The following KRT10 variants were observed in gnomAD, a reference collection of about 807,000 sequenced individuals.
KRT10 encodes keratin, type I cytoskeletal 10.
In KRT10, 40 loss-of-function variants were observed where a neutral mutation model predicts 59.2. That is an observed-to-expected ratio of 0.68 (90% CI 0.52 to 0.88). KRT10 has a LOEUF of 0.88. Among genes scored for constraint, KRT10 ranks in the 40% least tolerant of loss-of-function variants. The pLI is 0.00. For synonymous variants in KRT10, 336 were observed against 310.7 expected, an observed-to-expected ratio of 1.08 and a Z score of -0.86; for missense variants, 719 against 749.1, an observed-to-expected ratio of 0.96 and a Z score of 0.47.
At position 40,821,072 on chromosome 17, in the gene KRT10, C is replaced by T. The variant is rs532545866; in HGVS notation, c.673G>A (p.Asp225Asn). The T allele has an allele frequency of 1.2e-6, 2 of 1,613,876 alleles. No homozygotes were observed. Among genetic ancestry groups the T allele is most frequent in the Non-Finnish European group, 1.7e-6 (2 of 1,179,856 alleles). ...TCATCAGCTGCCAGCCTGGCATTGT[C>T]GATCTGAAGCAGGATGTTGGCATTA... Reference protein sequence around the residue: ...TDNANILLQIDNARLAADDFR... With the variant: ...TDNANILLQINNARLAADDFR... Residue 225 changes from aspartate to asparagine, a missense_variant, in exon 2 of 8, where the codon GAC becomes AAC. This residue lies in a region of KRT10 where 221 missense variants were observed against 277.8 expected (regional missense o/e 0.80). Transcript: ENST00000269576.
Position 40,818,355 on chromosome 17 carries a change from A to C in KRT10, c.*121T>G, listed in dbSNP as rs1217238172. 2.2e-5 allele frequency: 29 copies of C among 1,337,268 alleles called. No homozygotes were observed. The highest frequency in any genetic ancestry group is 3.1e-5 in the Non-Finnish European group (29 of 942,012). 82.8% of individuals were successfully genotyped at this position (1,337,268 alleles called of 1,614,324 possible). Reference sequence around the variant, plus strand: ...TAAATAATGGTCTGTGTGAAGGGAGACTCTTTCCTCTTGATGCAGTTTAAT... The same window carrying C: ...TAAATAATGGTCTGTGTGAAGGGAGCCTCTTTCCTCTTGATGCAGTTTAAT... On this transcript the variant is annotated 3_prime_UTR_variant, in exon 8 of 8. Coordinates refer to ENST00000269576, the MANE Select transcript of KRT10 (RefSeq NM_000421.5).
Position 40,818,840 on chromosome 17 carries a change from G to C in KRT10, c.1695C>G (p.Gly565=), listed in dbSNP as rs1367590552. 1 of 1,592,494 alleles carries C rather than the reference G, an allele frequency of 6.3e-7. No homozygotes were observed. Among genetic ancestry groups the C allele is most frequent in the East Asian group, 2.2e-5 (1 of 44,490 alleles). The stretch of plus-strand genomic sequence containing the variant: ...CGGACCCGGAAGAGGAGGACTTGTG[G>C]CCTCCGCTGGAGCTGCCGCCGCCGT... ...GGYGGGSSSG[G]HKSSSSGSVG... is the part of the protein sequence containing the mutation. Residue 565 remains glycine, a synonymous_variant, in exon 7 of 8, where the codon GGC becomes GGG. Transcript: ENST00000269576.
In KRT10 at chr17:40,822,063, C is replaced by G; in HGVS notation, c.523G>C (p.Glu175Gln). The G allele has an allele frequency of 1.2e-5, 19 of 1,614,142 alleles. No individual in the cohort carries two copies. The highest frequency in any genetic ancestry group is 1.5e-5 in the Non-Finnish European group (18 of 1,180,032). Residue 175 changes from glutamate (E) to glutamine (Q), a missense_variant, in exon 1 of 8, where the codon GAA becomes CAA. Around this residue, in one of 4 missense-constraint regions of KRT10, gnomAD observed 221 missense variants for 277.8 expected, o/e 0.80. Coordinates refer to ENST00000269576, the MANE Select transcript of KRT10 (RefSeq NM_000421.5). ...RALEESNYEL[E>Q]GKIKEWYEKH... ...TCATACCACTCCTTGATTTTGCCTT[C>G]CAGCTCATAGTTTGATTCTTCCAGA...
Position 40,819,025 on chromosome 17 carries a change from A to G in KRT10, c.1510T>C (p.Ser504Pro). The G allele has an allele frequency of 1.5e-6, 2 of 1,366,116 alleles. No individual in the cohort carries two copies. Among genetic ancestry groups the G allele is most frequent in the Non-Finnish European group, 1.9e-6 (2 of 1,051,530 alleles). The allele number at this position is 1,366,116 out of a possible 1,614,324, so 84.6% of individuals were successfully genotyped here. ...SSGGGYGGGS[S>P]GGGSSGGGYG... Reference sequence around the variant, plus strand: ...CCGCCGCCGGAGCTTCCGCCGCCGGAGCTTCCGCCTCCGTAGCCGCCGCCG... The same window carrying G: ...CCGCCGCCGGAGCTTCCGCCGCCGGGGCTTCCGCCTCCGTAGCCGCCGCCG... Residue 504 changes from serine (S) to proline (P), a missense_variant, in exon 7 of 8, where the codon TCC becomes CCC. Around this residue, in one of 4 missense-constraint regions of KRT10, gnomAD observed 315 missense variants for 270.6 expected, o/e 1.16. Coordinates refer to ENST00000269576, the MANE Select transcript of KRT10 (RefSeq NM_000421.5).
intron 2 of KRT10, 102 bp from the exon 3 acceptor site, chr17:40,820,769 T>C (rs1905338055): frequency 7.9e-7 from 1 of 1,259,148 alleles, no homozygotes; most frequent in Non-Finnish European, 1.1e-6. Context: ...TCTCATGTAA[T>C]GGCAATATTT....
chr17:40,819,067 C>A lies in KRT10; in HGVS notation c.1468G>T (p.Gly490Cys), dbSNP rs753205769. Residue 490 changes from glycine (G) to cysteine (C), a missense_variant, in exon 7 of 8, where the codon GGC (glycine) becomes TGC (cysteine). This residue lies in a region of KRT10 where 315 missense variants were observed against 270.6 expected (regional missense o/e 1.16). Coordinates refer to ENST00000269576, the MANE Select transcript of KRT10 (RefSeq NM_000421.5). ...CCGCCGCCGGAACTGCCGCCGTGGC[C>A]GCCGCCGTGGCCGCCGCCGGAGCTT... The part of the protein sequence containing the change: ...GGSSGGGHGG[G>C]HGGSSGGGYG... 1 of 708,234 alleles carries A rather than the reference C, an allele frequency of 1.4e-6. No homozygotes were observed. The highest frequency in any genetic ancestry group is 1.9e-6 in the Non-Finnish European group (1 of 517,762). 43.9% of individuals were successfully genotyped at this position (708,234 alleles called of 1,614,324 possible).
Position 40,818,995 on chromosome 17 carries a change from C to G in KRT10, c.1540G>C (p.Gly514Arg). The change falls in exon 7 of 8, where the codon GGG becomes CGG. Residue 514 changes from glycine to arginine, a missense_variant. Physicochemically the swap from Gly to Arg is moderately radical, Grantham distance 125. Around this residue, in one of 4 missense-constraint regions of KRT10, gnomAD observed 315 missense variants for 270.6 expected, o/e 1.16. Coordinates refer to ENST00000269576, the MANE Select transcript of KRT10 (RefSeq NM_000421.5). ...TGGCCGCCGCTGGAGCTTCCGCCCC[C>G]GTAGCCGCCGCCGGAGCTTCCGCCG... ...SGGGSSGGGY[G>R]GGSSSGGHGG... 2.9e-6 allele frequency: 4 copies of G among 1,382,750 alleles called. No homozygotes were observed. The highest frequency in any genetic ancestry group is 2.8e-6 in the Non-Finnish European group (3 of 1,066,710). The allele number at this position is 1,382,750 out of a possible 1,614,324, so 85.7% of individuals were successfully genotyped here.
Position 40,818,911 on chromosome 17 carries a change from AGCC to A in KRT10, c.1621_1623del (p.Gly541del), listed in dbSNP as rs759327325. On this transcript the variant is annotated inframe_deletion, in exon 7 of 8. Transcript: ENST00000269576. ...CCGCCGCCGGAGCTGCCGCCCCCGT[AGCC>A]GCCGCCGCCGCCGCCGGAACTGCCA... is the stretch of plus-strand genomic sequence containing the variant. 1,719 of 1,208,074 alleles carry A rather than the reference AGCC, an allele frequency of 1.4e-3. 1 individual carries two copies. Among genetic ancestry groups the A allele is most frequent in the South Asian group, 6.2e-3 (307 of 49,424 alleles). 74.8% of individuals were successfully genotyped at this position (1,208,074 alleles called of 1,614,324 possible). A position where few individuals can be genotyped will look rare whatever the true frequency, so the allele number is the denominator to read the frequency against.
chr17:40,818,985 C>G lies in KRT10; in HGVS notation c.1550G>C (p.Ser517Thr). ...GSSGGGYGGG[S>T]SSGGHGGSSS... ...ACTGCCGCCGTGGCCGCCGCTGGAG[C>G]TTCCGCCCCCGTAGCCGCCGCCGGA... Residue 517 changes from serine to threonine, a missense_variant, in exon 7 of 8, where the codon AGC becomes ACC. Physicochemically the swap from Ser to Thr is moderately conservative, Grantham distance 58. Coordinates refer to ENST00000269576, the MANE Select transcript of KRT10 (RefSeq NM_000421.5). 2 of 1,390,032 alleles carry G rather than the reference C, an allele frequency of 1.4e-6. No homozygotes were observed. The highest frequency in any genetic ancestry group is 1.9e-6 in the Non-Finnish European group (2 of 1,071,002). 86.1% of individuals were successfully genotyped at this position (1,390,032 alleles called of 1,614,324 possible). A position where few individuals can be genotyped will look rare whatever the true frequency, so the allele number is the denominator to read the frequency against.
rs776041016 is a variant in KRT10, at chr17:40,820,270, T to A, written c.1021A>T (p.Asn341Tyr). Residue 341 changes from asparagine (N) to tyrosine (Y), a missense_variant, in exon 4 of 8, where the codon AAT (asparagine) becomes TAT (tyrosine). Around this residue, in one of 4 missense-constraint regions of KRT10, gnomAD observed 221 missense variants for 277.8 expected, o/e 0.80. Transcript: ENST00000269576. The part of the protein sequence containing the change: ...QNRKDAEAWF[N>Y]EKSKELTTEI... ...AAGGAAGATTACTTTACCTTTTCAT[T>A]GAACCAGGCTTCAGCATCTTTGCGG... is the stretch of plus-strand genomic sequence containing the variant. 1.5e-5 allele frequency: 25 copies of A among 1,614,096 alleles called. No homozygotes were observed. The highest frequency in any genetic ancestry group is 1.9e-5 in the Non-Finnish European group (23 of 1,180,034).
Position 40,819,655 on chromosome 17 carries a change from G to A in KRT10, c.1235C>T (p.Ser412Phe). 6.2e-7 allele frequency: 1 copy of A among 1,614,118 alleles called. No homozygotes were observed. The highest frequency in any genetic ancestry group is 1.1e-5 in the South Asian group (1 of 91,074). Residue 412 changes from serine to phenylalanine, a missense_variant, in exon 6 of 8, where the codon TCC becomes TTC. Physicochemically the swap from Ser to Phe is radical, Grantham distance 155. Transcript: ENST00000269576. ...VQLSQIQAQI[S>F]ALEEQLQQIR... ...CTGTTGCAACTGTTCTTCCAGAGCG[G>A]ATATCTGGGCCTGAATCTGTGAGAG... is the stretch of plus-strand genomic sequence containing the variant.
rs776191574 is a variant in KRT10 at position 40,820,365 on chromosome 17, G to A, written c.926C>T (p.Ala309Val). ...TGDVNVEMNA[A>V]PGVDLTQLLN... is the part of the protein sequence containing the mutation. Reference sequence around the variant, plus strand: ...AAGTTGAGTCAGATCAACACCCGGGGCAGCATTCATTTCCACATTCACATC... The same window carrying A: ...AAGTTGAGTCAGATCAACACCCGGGACAGCATTCATTTCCACATTCACATC... Residue 309 changes from alanine to valine, a missense_variant, in exon 4 of 8, where the codon GCC (alanine) becomes GTC (valine). Transcript: ENST00000269576. 6.2e-7 allele frequency: 1 copy of A among 1,614,162 alleles called. No homozygotes were observed.
chr17:40,822,494 A>C lies in KRT10; in HGVS notation c.92T>G (p.Val31Gly), dbSNP rs1435728074. 5.6e-6 allele frequency: 9 copies of C among 1,605,728 alleles called. No individual in the cohort carries two copies. Among genetic ancestry groups the C allele is most frequent in the Non-Finnish European group, 6.8e-6 (8 of 1,176,436 alleles). Residue 31 changes from valine to glycine, a missense_variant, in exon 1 of 8, where the codon GTG becomes GGG. This residue lies in a region of KRT10 where 176 missense variants were observed against 175.7 expected (regional missense o/e 1.00). Transcript: ENST00000269576. ...GGGGCGGGGG[V>G]SSLRISSSKG... ...GCTGCTAGAAATTCTTAGGGATGACACTCCTCCTCCTCCTCCACATCCTCC... is the reference window on the plus strand; with the variant it reads ...GCTGCTAGAAATTCTTAGGGATGACCCTCCTCCTCCTCCTCCACATCCTCC...
rs1555549132 is a variant in KRT10 at position 40,822,196 on chromosome 17, G to A, written c.390C>T (p.Gly130=). 1.9e-6 allele frequency: 3 copies of A among 1,613,518 alleles called. No homozygotes were observed. The highest frequency in any genetic ancestry group is 2.2e-5 in the South Asian group (2 of 91,044). The change falls in exon 1 of 8, where the codon GGC becomes GGT. Residue 130 remains glycine (G), a synonymous_variant. Coordinates refer to ENST00000269576, the MANE Select transcript of KRT10 (RefSeq NM_000421.5). ...GGFGGGGFGG[G]FGGGFGGDGG... is the part of the protein sequence containing the mutation. ...CATCTCCTCCAAATCCACCACCAAA[G>A]CCTCCTCCAAAGCCGCCTCCACCAA...
rs779464426 is a variant in KRT10 at position 40,822,399 on chromosome 17, C to T, written c.187G>A (p.Gly63Ser). Reference sequence around the variant, plus strand: ...GATGAGCCCCCAAAGCAGCCCCCACCAGAGCTCCCACGGCTAAAAGAGCCA... The same window carrying T: ...GATGAGCCCCCAAAGCAGCCCCCACTAGAGCTCCCACGGCTAAAAGAGCCA... Reference protein sequence around the residue: ...SGGSFSRGSSGGGCFGGSSGG... With the variant: ...SGGSFSRGSSSGGCFGGSSGG... Residue 63 changes from glycine (G) to serine (S), a missense_variant, in exon 1 of 8, where the codon GGT (glycine) becomes AGT (serine). By Grantham distance (56) the Gly-to-Ser change is moderately conservative. This residue lies in a region of KRT10 where 176 missense variants were observed against 175.7 expected (regional missense o/e 1.00). Transcript: ENST00000269576. 2 of 1,612,742 alleles carry T rather than the reference C, an allele frequency of 1.2e-6. No homozygotes were observed. The highest frequency in any genetic ancestry group is 1.7e-6 in the Non-Finnish European group (2 of 1,179,086).
Position 40,819,096 on chromosome 17 carries a change from C to T in KRT10, c.1439G>A (p.Gly480Asp). ...GGGYGGGSSG[G>D]GSSGGGHGGG... Reference sequence around the variant, plus strand: ...GCCGTGGCCGCCGCCGGAGCTTCCGCCGCCGGAGCTTCCGCCGCCGTAGCC... The same window carrying T: ...GCCGTGGCCGCCGCCGGAGCTTCCGTCGCCGGAGCTTCCGCCGCCGTAGCC... Residue 480 changes from glycine to aspartate, a missense_variant, in exon 7 of 8, where the codon GGC becomes GAC. By Grantham distance (94) the Gly-to-Asp change is moderately conservative (BLOSUM62 -1). Around this residue, in one of 4 missense-constraint regions of KRT10, gnomAD observed 315 missense variants for 270.6 expected, o/e 1.16. Transcript: ENST00000269576. 6.8e-7 allele frequency: 1 copy of T among 1,462,970 alleles called. No individual in the cohort carries two copies. The highest frequency in any genetic ancestry group is 1.3e-5 in the South Asian group (1 of 77,732). 90.6% of individuals were successfully genotyped at this position (1,462,970 alleles called of 1,614,324 possible).
chr17:40,819,534 C>T lies in KRT10; in HGVS notation c.1356G>A (p.Leu452=), dbSNP rs775752746. Residue 452 remains leucine, a synonymous_variant, in exon 6 of 8, where the codon CTG becomes CTA. Coordinates refer to ENST00000269576, the MANE Select transcript of KRT10 (RefSeq NM_000421.5). ...AAATTTACCTTCCCTCTCCTTCTAG[C>T]AGGCTGCGGTAGGTTTGAATTTCAT... ...LENEIQTYRS[L]LEGEGSSGGG... 2.4e-5 allele frequency: 39 copies of T among 1,613,848 alleles called. No individual in the cohort carries two copies. Among genetic ancestry groups the T allele is most frequent in the Non-Finnish European group, 3.3e-5 (39 of 1,179,826 alleles).
At position 40,822,187 on chromosome 17, in the gene KRT10, A is replaced by G. The variant is rs1905436703; in HGVS notation, c.399T>C (p.Gly133=). The part of the protein sequence containing the change: ...GGGGFGGGFG[G]GFGGDGGLLS... ...GAAGGCCACCATCTCCTCCAAATCC[A>G]CCACCAAAGCCTCCTCCAAAGCCGC... Residue 133 remains glycine (G), a synonymous_variant, in exon 1 of 8, where the codon GGT becomes GGC. Coordinates refer to ENST00000269576, the MANE Select transcript of KRT10 (RefSeq NM_000421.5). 1 of 1,613,696 alleles carries G rather than the reference A, an allele frequency of 6.2e-7. No individual in the cohort carries two copies. Among genetic ancestry groups the G allele is most frequent in the South Asian group, 1.1e-5 (1 of 91,046 alleles).
At chr17:40,820,805 A>G (rs946827506) in intron 2 of KRT10, 138 bp from the exon 3 acceptor site, 3 of 1,063,666 alleles carry the variant, frequency 2.8e-6, no homozygotes, top group Middle Eastern at 2.4e-4. Context: ...CTTAGAAGTA[A>G]TAGTGGTTTA....
Sources: allele counts gnomAD v4.1 joint callset, GRCh38; gene constraint gnomAD v4.1.1; regional missense constraint gnomAD v4.1.1; transcripts MANE v1.5; gene names NCBI Gene and HGNC (gene_info 2026-07-23, HGNC 2026-07-21).